Variants in CCDC93 observed in about 807,000 individuals in gnomAD.
CCDC93 encodes the protein coiled-coil domain-containing protein 93.
CCDC93 carries 61 observed loss-of-function variants against 108.2 expected under a neutral mutation model. The ratio of observed to expected loss-of-function variants is 0.56; its 90% CI spans 0.46 to 0.70. CCDC93 has a LOEUF of 0.70. Ranked by LOEUF, CCDC93 falls within the 30% of genes least tolerant of loss-of-function variation. The probability of loss-of-function intolerance (pLI) is 0.00; values close to 1 mark genes in which losing one functional copy is unlikely to be tolerated. For synonymous variants in CCDC93, 276 were observed against 260.4 expected, an observed-to-expected ratio of 1.06 and a Z score of -0.58; for missense variants, 685 against 764.2, an observed-to-expected ratio of 0.90 and a Z score of 1.22.
At position 117,918,504 on chromosome 2, in the gene CCDC93, A is replaced by T. The variant is rs1040349148; in HGVS notation, c.*1839T>A. 6.6e-6 allele frequency: 1 copy of T among 152,174 alleles called. No homozygotes were observed. The highest frequency in any genetic ancestry group is 2.4e-5 in the African/African-American group (1 of 41,438). The allele number at this position is 152,174 out of a possible 1,614,324, so 9.4% of individuals were successfully genotyped here. On this transcript the variant is annotated 3_prime_UTR_variant, in exon 24 of 24. Coordinates refer to ENST00000376300, the MANE Select transcript of CCDC93 (RefSeq NM_019044.5). ...TGGACTCCAGTAACCCCAGAATGTC[A>T]TCTGCCTCCCTACCACCTTTGGACA... is the stretch of plus-strand genomic sequence containing the variant.
intron 9 of CCDC93, 30 bp from the exon 10 acceptor site, chr2:117,974,930 G>T: frequency 6.5e-7 from 1 of 1,547,620 alleles, no homozygotes; most frequent in South Asian, 1.2e-5. Flanking sequence ...GAGCAGCAGT[G>T]AGTGGTTCTG....
At position 117,966,041 on chromosome 2, in the gene CCDC93, T is replaced by C. The variant is rs563419908; in HGVS notation, c.889-7560A>G. Among the ~76,000 whole-genome samples, 53 of 152,302 alleles carry C rather than the reference T, an allele frequency of 3.5e-4. 2 individuals are homozygous for C. In the South Asian group the frequency reaches 0.01, roughly 29 times the overall value. On this transcript the variant is annotated intron_variant, in intron 11 of 23. Transcript: ENST00000376300. ...AACTACTAAGAGGACAAACGATATA[T>C]TAACAATTGATTCTTTTGGGTCAAT...
At chr2:117,923,972 A>G (rs940480969) in intron 23 of CCDC93, among the ~76,000 whole-genome samples, 4 of 152,192 alleles carry the variant, frequency 2.6e-5, no homozygotes, top group Non-Finnish European at 4.4e-5. Context: ...GCTGTTCACC[A>G]ATATCCGCTG....
intron 23 of CCDC93, among the ~76,000 whole-genome samples, chr2:117,927,545 C>G (rs1678162252): frequency 6.6e-6 from 1 of 152,118 alleles, no homozygotes; most frequent in African/African-American, 2.4e-5. Context: ...TCTAGGAATC[C>G]AAATTACAAG....
chr2:117,946,705 A>C, intron 16 of CCDC93, 106 bp downstream of exon 16: 1 of 738,516 alleles, frequency 1.4e-6, no homozygotes, highest in Non-Finnish European at 2.4e-6. Flanking sequence ...AGGAATGTCT[A>C]TTTACAGGAT....
intron 12 of CCDC93, 128 bp from the exon 13 acceptor site, chr2:117,952,563 G>A: frequency 1.4e-6 from 1 of 689,836 alleles, no homozygotes; most frequent in Non-Finnish European, 2.5e-6. Context: ...ATTTTAAAAG[G>A]GTTGCCAACA....
At chr2:117,980,137 C>T (rs1558793514) in intron 7 of CCDC93, among the ~76,000 whole-genome samples, 1 of 152,162 alleles carries the variant, frequency 6.6e-6, no homozygotes, top group Admixed American at 6.5e-5. Flanking sequence ...AGCTAGCTTC[C>T]TGATTTTGGA....
chr2:117,993,741 G>C (rs191517743), intron 6 of CCDC93, among the ~76,000 whole-genome samples: 1 of 152,184 alleles, frequency 6.6e-6, no homozygotes, highest in Non-Finnish European at 1.5e-5. Flanking sequence ...TTTTGTTTTT[G>C]TTTTTGTTTT....
At chr2:117,959,891 T>C (rs900895601) in intron 11 of CCDC93, among the ~76,000 whole-genome samples, 1 of 152,198 alleles carries the variant, frequency 6.6e-6, no homozygotes, top group African/African-American at 2.4e-5. Flanking sequence ...CAACTTGTAG[T>C]ATGGAGAAGG....
At chr2:117,943,140 T>C (rs1678758473) in intron 18 of CCDC93, among the ~76,000 whole-genome samples, 1 of 152,212 alleles carries the variant, frequency 6.6e-6, no homozygotes, top group Non-Finnish European at 1.5e-5. Flanking sequence ...TTACTGAAGC[T>C]TTCCCCTAGC....
chr2:117,947,761 T>C (rs1193441442), intron 15 of CCDC93, among the ~76,000 whole-genome samples: 2 of 150,748 alleles, frequency 1.3e-5, no homozygotes, highest in Non-Finnish European at 2.9e-5. Flanking sequence ...TGGCGTGATC[T>C]TGGCTCACTG....
intron 11 of CCDC93, among the ~76,000 whole-genome samples, chr2:117,969,895 C>G (rs1380481990): frequency 3.3e-5 from 5 of 152,172 alleles, no homozygotes; most frequent in African/African-American, 4.8e-5. Flanking sequence ...AAGCAAAGCC[C>G]CACTTCCTTG....
At chr2:118,002,246 C>T (rs1676720732) in intron 3 of CCDC93, among the ~76,000 whole-genome samples, 1 of 152,150 alleles carries the variant, frequency 6.6e-6, no homozygotes, top group Non-Finnish European at 1.5e-5. Flanking sequence ...GTCTTGTCCA[C>T]CTTTATCTTT....
At chr2:117,974,783 G>T in intron 10 of CCDC93, 67 bp downstream of exon 10, 2 of 1,245,666 alleles carry the variant, frequency 1.6e-6, no homozygotes, top group Non-Finnish European at 1.1e-6. Context: ...GGCTCTCTGG[G>T]AGAAGACCCC....
intron 17 of CCDC93, 65 bp from the exon 18 acceptor site, chr2:117,944,151 T>C (rs1464364414): frequency 1.1e-5 from 13 of 1,157,494 alleles, no homozygotes; most frequent in Non-Finnish European, 1.6e-5. Context: ...ATGGAGTCTT[T>C]GAAAGTTGAA....
At chr2:117,974,525 T>C (rs1386825463) in intron 10 of CCDC93, among the ~76,000 whole-genome samples, 1 of 151,922 alleles carries the variant, frequency 6.6e-6, no homozygotes, top group African/African-American at 2.4e-5. Context: ...CTAGATAGTG[T>C]AGGAAGAAAG....
intron 1 of CCDC93, among the ~76,000 whole-genome samples, chr2:118,010,156 C>T (rs1460727510): frequency 5.3e-5 from 8 of 151,850 alleles, no homozygotes; most frequent in Admixed American, 3.3e-4. Flanking sequence ...GGGGTTTCAC[C>T]GTGTTAGCCA....
In CCDC93 at chr2:117,916,358, G is replaced by T. The variant is rs956384086; in HGVS notation, c.*3985C>A. The T allele has an allele frequency of 3.3e-5, 5 of 151,826 alleles. No individual in the cohort carries two copies. Among genetic ancestry groups the T allele is most frequent in the Non-Finnish European group, 4.4e-5 (3 of 67,984 alleles). The allele number at this position is 151,826 out of a possible 1,614,324, so 9.4% of individuals were successfully genotyped here. A position where few individuals can be genotyped will look rare whatever the true frequency, so the allele number is the denominator to read the frequency against. Reference sequence around the variant, plus strand: ...GAATAAAAAAAAAAATCTGTAAAAGGCAATTCCTTTGAAAGATTCAAAACC... The same window carrying T: ...GAATAAAAAAAAAAATCTGTAAAAGTCAATTCCTTTGAAAGATTCAAAACC... On this transcript the variant is annotated 3_prime_UTR_variant, in exon 24 of 24. Coordinates refer to ENST00000376300, the MANE Select transcript of CCDC93 (RefSeq NM_019044.5).
chr2:117,993,232 T>TA (rs1680535365), intron 6 of CCDC93, among the ~76,000 whole-genome samples: 2 of 151,532 alleles, frequency 1.3e-5, no homozygotes, highest in African/African-American at 4.8e-5. Flanking sequence ...CCATCTCTAC[T>TA]AAAAAAACAA....
Sources: gnomAD v4.1 joint callset for allele counts (sites outside exome capture counted in the v4.1 genomes callset) on GRCh38, gnomAD v4.1.1 for gene constraint, MANE v1.5 for transcripts, NCBI Gene and HGNC (gene_info 2026-07-23, HGNC 2026-07-21) for gene names.